The following TENM3 variants were observed in gnomAD, a reference collection of about 807,000 sequenced individuals.
TENM3 encodes teneurin transmembrane protein 3, also known as teneurin-3.
TENM3 carries 63 observed loss-of-function variants against 255.1 expected under a neutral mutation model. The ratio of observed to expected loss-of-function variants is 0.25; its 90% CI spans 0.20 to 0.30. The LOEUF (loss-of-function observed/expected upper bound fraction) is 0.30, where lower values mean the gene tolerates loss of function less well. TENM3 is among the 10% of genes least tolerant of loss of function. The probability of loss-of-function intolerance (pLI) is 1.00; values close to 1 mark genes in which losing one functional copy is unlikely to be tolerated. For missense variants in TENM3, 2,929 were observed against 3,461.1 expected (o/e 0.85, Z 3.86); for synonymous variants, 1,306 against 1,322.3 (o/e 0.99, Z 0.27).
intron 12 of TENM3, among the ~76,000 whole-genome samples, chr4:182,693,733 G>A (rs957897176): frequency 6.6e-6 from 1 of 152,204 alleles, no homozygotes; most frequent in Non-Finnish European, 1.5e-5. Context: ...CCGTACCACT[G>A]AGTGACCTTG....
chr4:181,558,312 C>G, the TENM3 span, among the ~76,000 whole-genome samples: 2 of 152,158 alleles, frequency 1.3e-5, no homozygotes, highest in South Asian at 4.1e-4. Flanking sequence ...GATGTCCTGT[C>G]AAAGCACAGA....
intron 3 of TENM3, among the ~76,000 whole-genome samples, chr4:182,354,813 T>A (rs527459346): frequency 6.6e-6 from 1 of 152,342 alleles, no homozygotes; most frequent in South Asian, 2.1e-4. Flanking sequence ...ACTAAAAATG[T>A]CTGATGACTA....
chr4:182,064,832 T>C, the TENM3 span, among the ~76,000 whole-genome samples: 2 of 152,076 alleles, frequency 1.3e-5, no homozygotes, highest in Non-Finnish European at 2.9e-5. Flanking sequence ...TAGTGCTTTG[T>C]TCATTTGATT....
chr4:181,751,719 A>G, the TENM3 span, among the ~76,000 whole-genome samples: 1 of 152,216 alleles, frequency 6.6e-6, no homozygotes, highest in Non-Finnish European at 1.5e-5. Flanking sequence ...GGTTGTAGCC[A>G]TAGAGCAGGT....
At chr4:182,576,604 G>A (rs1580993768) in intron 3 of TENM3, among the ~76,000 whole-genome samples, 2 of 152,158 alleles carry the variant, frequency 1.3e-5, no homozygotes, top group East Asian at 3.8e-4. Context: ...TTTACCCAAT[G>A]CTTCATTTAG....
chr4:181,982,028 C>A, the TENM3 span, among the ~76,000 whole-genome samples: 1 of 152,056 alleles, frequency 6.6e-6, no homozygotes, highest in Non-Finnish European at 1.5e-5. Context: ...CCACACAAGA[C>A]CTTGAACCTG....
chr4:181,828,432 CATAAATCTTCAAA>C, the TENM3 span, among the ~76,000 whole-genome samples: 1 of 152,150 alleles, frequency 6.6e-6, no homozygotes, highest in African/African-American at 2.4e-5. Context: ...CCACTATTTG[CATAAATCTTCAAA>C]ATATCCCAAT....
chr4:182,649,313 AAAG>A (rs1320635024), intron 5 of TENM3, among the ~76,000 whole-genome samples: 2 of 150,610 alleles, frequency 1.3e-5, no homozygotes, highest in Non-Finnish European at 3.0e-5. Context: ...TTCTACAAAA[AAAG>A]AAGATAATGG....
the TENM3 span, among the ~76,000 whole-genome samples, chr4:182,089,369 C>T: frequency 6.6e-6 from 1 of 152,270 alleles, no homozygotes; most frequent in Non-Finnish European, 1.5e-5. Flanking sequence ...CTTACCTAGG[C>T]AGCAGAGAAA....
At chr4:182,171,188 C>T (rs982375263) in intron 1 of TENM3, among the ~76,000 whole-genome samples, 2 of 152,076 alleles carry the variant, frequency 1.3e-5, no homozygotes, top group Admixed American at 6.5e-5. Flanking sequence ...ATTAATACCA[C>T]GTAAGTAAAT....
At chr4:182,585,214 A>T (rs796161571) in intron 3 of TENM3, among the ~76,000 whole-genome samples, 3 of 152,290 alleles carry the variant, frequency 2.0e-5, no homozygotes, top group African/African-American at 7.2e-5. Flanking sequence ...ATTGATTATT[A>T]CCCCATTTTA....
In TENM3 at chr4:182,793,238, A is replaced by G; in HGVS notation, c.6566A>G (p.Tyr2189Cys). ...ATCACTCGACTGGGTGATGTTCAAT[A>G]TCGGTTGGATGAAGATGGTTTCCTA... is the stretch of plus-strand genomic sequence containing the variant. ...DRITRLGDVQ[Y>C]RLDEDGFLRQ... Residue 2189 changes from tyrosine (Y) to cysteine (C), a missense_variant, in exon 26 of 28, where the codon TAT becomes TGT. By Grantham distance (194) the Tyr-to-Cys change is radical. This residue lies in a region of TENM3 where 256 missense variants were observed against 389.3 expected (regional missense o/e 0.66). Coordinates refer to ENST00000511685, the MANE Select transcript of TENM3 (RefSeq NM_001080477.4). The surrounding 1 kb of genome is among the most constrained non-coding windows in gnomAD (Gnocchi z 5.7). The G allele has an allele frequency of 6.2e-7, 1 of 1,613,908 alleles. No homozygotes were observed. Among genetic ancestry groups the G allele is most frequent in the Non-Finnish European group, 8.5e-7 (1 of 1,179,830 alleles).
chr4:181,874,434 C>A, the TENM3 span: 1 of 152,208 alleles, frequency 6.6e-6, no homozygotes, highest in Non-Finnish European at 1.5e-5. Flanking sequence ...TACGCACATA[C>A]CTGTTGTTGG....
At chr4:182,475,157 G>A (rs1356093603) in intron 3 of TENM3, among the ~76,000 whole-genome samples, 2 of 152,090 alleles carry the variant, frequency 1.3e-5, no homozygotes, top group African/African-American at 4.8e-5. Context: ...TCTGGAATAG[G>A]AGGACTCCTT....
At chr4:182,146,017 T>G (rs1341104130) in intron 1 of TENM3, among the ~76,000 whole-genome samples, 3 of 152,222 alleles carry the variant, frequency 2.0e-5, no homozygotes, top group Non-Finnish European at 4.4e-5. Context: ...ACTTGGTGAT[T>G]TGATCCCTTA....
the TENM3 span, among the ~76,000 whole-genome samples, chr4:181,468,563 C>G: frequency 6.6e-6 from 1 of 152,222 alleles, no homozygotes; most frequent in African/African-American, 2.4e-5. Context: ...TCTGAAACTT[C>G]TCCATTTTCA....
chr4:181,626,884 G>A, the TENM3 span, among the ~76,000 whole-genome samples: 1 of 152,306 alleles, frequency 6.6e-6, no homozygotes, highest in East Asian at 1.9e-4. Context: ...ATAGATAATT[G>A]GACCAGGGCA....
intron 19 of TENM3, among the ~76,000 whole-genome samples, chr4:182,749,925 C>T (rs1391653361): frequency 6.6e-6 from 1 of 151,706 alleles, no homozygotes; most frequent in African/African-American, 2.4e-5. Flanking sequence ...GCAACTCTGT[C>T]ACCAATTATA....
intron 3 of TENM3, among the ~76,000 whole-genome samples, chr4:182,348,309 C>T (rs964492367): frequency 6.6e-6 from 1 of 152,104 alleles, no homozygotes; most frequent in African/African-American, 2.4e-5. Flanking sequence ...TTAATCCATT[C>T]ACCTCAGTAA....
Sources: gnomAD v4.1 joint callset for allele counts (sites outside exome capture counted in the v4.1 genomes callset) on GRCh38, gnomAD v4.1.1 for gene constraint, gnomAD v4.1.1 regional missense constraint, Gnocchi (gnomAD v3.1) non-coding constraint, MANE v1.5 for transcripts, NCBI Gene and HGNC (gene_info 2026-07-23, HGNC 2026-07-21) for gene names.